The following SPAG9 variants were observed in gnomAD, a reference collection of about 807,000 sequenced individuals.
SPAG9 encodes C-Jun-amino-terminal kinase-interacting protein 4.
SPAG9 carries 35 observed loss-of-function variants against 166.5 expected under a neutral mutation model. The ratio of observed to expected loss-of-function variants is 0.21; its 90% CI spans 0.16 to 0.28. SPAG9 has a LOEUF of 0.28. Among genes scored for constraint, SPAG9 ranks in the 10% least tolerant of loss-of-function variants. The probability of loss-of-function intolerance (pLI) is 1.00; values close to 1 mark genes in which losing one functional copy is unlikely to be tolerated. For synonymous variants in SPAG9, 534 were observed against 565.5 expected (o/e 0.94, Z 0.79); for missense variants, 1,235 against 1,603.3 (o/e 0.77, Z 3.92).
intron 6 of SPAG9, among the ~76,000 whole-genome samples, chr17:51,026,836 C>A (rs2046200504): frequency 6.6e-6 from 1 of 151,866 alleles, no homozygotes; most frequent in South Asian, 2.1e-4. Flanking sequence ...GCCACCATGC[C>A]CAGCTAATTT....
intron 9 of SPAG9, among the ~76,000 whole-genome samples, chr17:51,008,456 A>T (rs1281350337): frequency 6.6e-6 from 1 of 152,164 alleles, no homozygotes; most frequent in Non-Finnish European, 1.5e-5. Flanking sequence ...AAAATCACAT[A>T]CAATGGAAGA....
In SPAG9 at chr17:51,009,177, A is replaced by C. The variant is rs1280868398; in HGVS notation, c.1214-1851T>G. The C allele has an allele frequency of 6.6e-6, 3 of 452,790 alleles. No individual in the cohort carries two copies. The Admixed American group carries it at 7.1e-5, about 11-fold the overall frequency. The allele number at this position is 452,790 out of a possible 1,614,324, so 28.0% of individuals were successfully genotyped here. A position where few individuals can be genotyped will look rare whatever the true frequency, so the allele number is the denominator to read the frequency against. On this transcript the variant is annotated intron_variant, in intron 9 of 29. Transcript: ENST00000262013. ...CAGCCCAAGAGAAAAATGAATGAGA[A>C]TCTCAATTAGATTGTTTTCAGAAAG...
chr17:50,977,050 A>T lies in SPAG9; in HGVS notation c.3523+58T>A. 5 of 1,079,266 alleles carry T rather than the reference A, an allele frequency of 4.6e-6. No homozygotes were observed. In the Admixed American group the frequency reaches 7.2e-5, roughly 16 times the overall value. The allele number at this position is 1,079,266 out of a possible 1,614,324, so 66.9% of individuals were successfully genotyped here. On this transcript the variant is annotated intron_variant, in intron 27 of 29. Transcript: ENST00000262013. ...TAACACAGATTTGAATTTCAGACAT[A>T]ACTATTTCCTATAATTCTCCTATTT...
At chr17:51,008,388 A>C (rs2045315166) in intron 9 of SPAG9, among the ~76,000 whole-genome samples, 1 of 151,916 alleles carries the variant, frequency 6.6e-6, no homozygotes, top group Non-Finnish European at 1.5e-5. Context: ...AAACAAAACA[A>C]AACAAAAAAA....
At chr17:51,049,989 A>G (rs1480231675) in intron 3 of SPAG9, among the ~76,000 whole-genome samples, 1 of 152,246 alleles carries the variant, frequency 6.6e-6, no homozygotes, top group South Asian at 2.1e-4. Context: ...AAGCATTCAG[A>G]TGAAGAAAAC....
intron 1 of SPAG9, among the ~76,000 whole-genome samples, chr17:51,090,059 T>C (rs2048423642): frequency 6.6e-6 from 1 of 151,934 alleles, no homozygotes; most frequent in African/African-American, 2.4e-5. Flanking sequence ...TTTACTGAGA[T>C]AAAGACATTC....
chr17:51,094,831 T>C (rs1016199035), intron 1 of SPAG9, among the ~76,000 whole-genome samples: 1 of 152,190 alleles, frequency 6.6e-6, no homozygotes, highest in African/African-American at 2.4e-5. Flanking sequence ...GATCCTATAA[T>C]GGAATACTAT....
At chr17:51,016,777 C>T (rs1001252264) in intron 8 of SPAG9, among the ~76,000 whole-genome samples, 13 of 152,222 alleles carry the variant, frequency 8.5e-5, no homozygotes, top group African/African-American at 2.2e-4. Flanking sequence ...TGGTGGCTCA[C>T]GCCTGTAATC....
rs1254127719 is a variant in SPAG9, at chr17:51,120,417, G to T, written c.240C>A (p.Asp80Glu). The part of the protein sequence containing the change: ...EHQVELELLR[D>E]DNEQLITQYE... Reference sequence around the variant, plus strand: ...ACTGGGTGATGAGCTGCTCGTTGTCGTCCCGCAGCAGCTCCAGCTCCACCT... The same window carrying T: ...ACTGGGTGATGAGCTGCTCGTTGTCTTCCCGCAGCAGCTCCAGCTCCACCT... The change falls in exon 1 of 30, where the codon GAC (aspartate) becomes GAA (glutamate). Residue 80 changes from aspartate (D) to glutamate (E), a missense_variant. Physicochemically the swap from Asp to Glu is conservative, Grantham distance 45. Transcript: ENST00000262013. This position sits in a 1 kb window ranked among gnomAD's most constrained non-coding sequence, Gnocchi z 4.7. 1.2e-6 allele frequency: 2 copies of T among 1,612,390 alleles called. No individual in the cohort carries two copies. The highest frequency in any genetic ancestry group is 1.7e-5 in the Admixed American group (1 of 59,790).
intron 2 of SPAG9, among the ~76,000 whole-genome samples, chr17:51,069,135 T>C (rs2144585511): frequency 6.6e-6 from 1 of 152,144 alleles, no homozygotes; most frequent in East Asian, 1.9e-4. Context: ...GTCATTCTTT[T>C]AAAACCAAAA....
In SPAG9 at chr17:51,120,115, G is replaced by A. The variant is rs1408755198; in HGVS notation, c.303+239C>T. ...CAGGCCAGGCTGCCGCTTCCTCCCC[G>A]GGCCCTGCCTCCTCCATCTCGCTCC... On this transcript the variant is annotated intron_variant, in intron 1 of 29. Coordinates refer to ENST00000262013, the MANE Select transcript of SPAG9 (RefSeq NM_001130528.3). This position sits in a 1 kb window ranked among gnomAD's most constrained non-coding sequence, Gnocchi z 4.7. Among the ~76,000 whole-genome samples, 1 of 152,162 alleles carries A rather than the reference G, an allele frequency of 6.6e-6. No individual in the cohort carries two copies. Among genetic ancestry groups the A allele is most frequent in the East Asian group, 1.9e-4 (1 of 5,190 alleles).
At chr17:51,039,521 C>T (rs1010928425) in intron 5 of SPAG9, among the ~76,000 whole-genome samples, 6 of 152,138 alleles carry the variant, frequency 3.9e-5, no homozygotes, top group Admixed American at 1.3e-4. Context: ...TTATCTCATT[C>T]GGTGGCTCCA....
intron 1 of SPAG9, among the ~76,000 whole-genome samples, chr17:51,104,263 G>A (rs368720643): frequency 6.6e-6 from 1 of 152,182 alleles, no homozygotes; most frequent in South Asian, 2.1e-4. Flanking sequence ...TCAGTTCCAT[G>A]AGAGAAGGAC....
intron 22 of SPAG9, among the ~76,000 whole-genome samples, chr17:50,986,410 T>C (rs1310338052): frequency 6.6e-6 from 1 of 152,236 alleles, no homozygotes; most frequent in African/African-American, 2.4e-5. Flanking sequence ...TTTGAAATGC[T>C]TGGGATTTCT....
rs1280583308 is a variant in SPAG9, at chr17:51,010,586, T to A, written c.1214-3260A>T. 3.6e-3 allele frequency among the ~76,000 whole-genome samples: 502 copies of A among 140,962 alleles called. 5 individuals carry two copies. The highest frequency in any genetic ancestry group is 9.7e-3 in the African/African-American group (360 of 37,236). 92.5% of individuals were successfully genotyped at this position (140,962 alleles called of 152,430 possible). A position where few individuals can be genotyped will look rare whatever the true frequency, so the allele number is the denominator to read the frequency against. On this transcript the variant is annotated intron_variant, in intron 9 of 29. Coordinates refer to ENST00000262013, the MANE Select transcript of SPAG9 (RefSeq NM_001130528.3). ...AAGAAAAGAAAAAAAAAAAAAAATA[T>A]ATATATATATATATACATATATGTA...
At chr17:51,091,045 C>T (rs2048450152) in intron 1 of SPAG9, among the ~76,000 whole-genome samples, 1 of 151,598 alleles carries the variant, frequency 6.6e-6, no homozygotes, top group Non-Finnish European at 1.5e-5. Context: ...GCTCATCACT[C>T]AAGCTCAGGA....
intron 1 of SPAG9, among the ~76,000 whole-genome samples, chr17:51,110,004 A>G (rs772525973): frequency 6.6e-6 from 1 of 151,966 alleles, no homozygotes; most frequent in Non-Finnish European, 1.5e-5. Context: ...TAGCTACTAC[A>G]CTCGGCCTTG....
chr17:51,052,786 T>C (rs2047216792), intron 3 of SPAG9, among the ~76,000 whole-genome samples: 1 of 152,152 alleles, frequency 6.6e-6, no homozygotes, highest in Admixed American at 6.6e-5. Context: ...AGGCCAGGCA[T>C]GGTAGCTCAC....
At chr17:50,972,899 G>C (rs561849445) in intron 28 of SPAG9, among the ~76,000 whole-genome samples, 1 of 152,190 alleles carries the variant, frequency 6.6e-6, no homozygotes, top group African/African-American at 2.4e-5. Flanking sequence ...AACTGGCCTC[G>C]CAACAACCAT....
Sources: gnomAD v4.1 joint callset for allele counts (sites outside exome capture counted in the v4.1 genomes callset) on GRCh38, gnomAD v4.1.1 for gene constraint, Gnocchi (gnomAD v3.1) non-coding constraint, MANE v1.5 for transcripts, NCBI Gene and HGNC (gene_info 2026-07-23, HGNC 2026-07-21) for gene names.